APBB2: variants seen among roughly 807,000 people sequenced by gnomAD.
APBB2 encodes the protein amyloid beta precursor protein binding family B member 2, also known as Fe65-like 1.
Under a neutral mutation model 82.5 loss-of-function variants are expected in APBB2, and 38 were observed. The observed-to-expected ratio is 0.46, with a 90% CI of 0.36 to 0.60. APBB2 has a LOEUF of 0.60. Ranked by LOEUF, APBB2 falls within the 20% of genes least tolerant of loss-of-function variation. The pLI is 0.00. For missense variants in APBB2, 772 were observed against 972.3 expected, an observed-to-expected ratio of 0.79 and a Z score of 2.74; for synonymous variants, 341 against 368.2, an observed-to-expected ratio of 0.93 and a Z score of 0.85.
chr4:41,193,027 C>T (rs970882436), intron 1 of APBB2, among the ~76,000 whole-genome samples: 14 of 152,148 alleles, frequency 9.2e-5, no homozygotes, highest in Non-Finnish European at 5.9e-5. Context: ...TGACAATGAA[C>T]GTGTTCACAG....
At chr4:40,843,136 G>A (rs1756413990) in intron 12 of APBB2, among the ~76,000 whole-genome samples, 1 of 152,164 alleles carries the variant, frequency 6.6e-6, no homozygotes, top group African/African-American at 2.4e-5. Flanking sequence ...CATTGTCACA[G>A]CCGATTTGCA....
intron 10 of APBB2, among the ~76,000 whole-genome samples, chr4:40,930,601 T>A (rs1334688178): frequency 6.6e-6 from 1 of 152,176 alleles, no homozygotes; most frequent in Non-Finnish European, 1.5e-5. Context: ...AGTGTCCCCA[T>A]CCTGACAGTC....
chr4:41,039,288 C>A (rs1720450286), intron 4 of APBB2, among the ~76,000 whole-genome samples: 1 of 152,088 alleles, frequency 6.6e-6, no homozygotes, highest in Admixed American at 6.5e-5. Context: ...AGTAGTGGAC[C>A]CCTTCCACAC....
At chr4:41,190,996 T>C (rs1172807887) in intron 1 of APBB2, among the ~76,000 whole-genome samples, 2 of 152,188 alleles carry the variant, frequency 1.3e-5, no homozygotes, top group Non-Finnish European at 2.9e-5. Flanking sequence ...ATGTGGACCA[T>C]GCTTTGAGAC....
intron 12 of APBB2, among the ~76,000 whole-genome samples, chr4:40,882,852 T>A (rs1769054891): frequency 6.6e-6 from 1 of 152,204 alleles, no homozygotes; most frequent in Non-Finnish European, 1.5e-5. Context: ...CTGTTAAACT[T>A]CTTTGGTGAT....
In APBB2 at chr4:41,044,084, C is replaced by T. The variant is rs567492008; in HGVS notation, c.-50-10780G>A. 2.6e-5 allele frequency among the ~76,000 whole-genome samples: 4 copies of T among 152,330 alleles called. No individual in the cohort carries two copies. The South Asian group carries it at 8.3e-4, about 32-fold the overall frequency. On this transcript the variant is annotated intron_variant, in intron 4 of 17. Coordinates refer to ENST00000508593, the MANE Select transcript of APBB2 (RefSeq NM_004307.2). Reference sequence around the variant, plus strand: ...CATTGTTATTCAATGCCTAAATCCACTAAATCCACAGGGGTTGGAAAACAG... The same window carrying T: ...CATTGTTATTCAATGCCTAAATCCATTAAATCCACAGGGGTTGGAAAACAG...
chr4:40,856,543 T>C lies in APBB2; in HGVS notation c.1530-25966A>G, dbSNP rs1014110535. ...CACAGTTTTTCTACACGAAAGGATA[T>C]TGCTTTTAATCCAAATACTGGATTA... On this transcript the variant is annotated intron_variant, in intron 12 of 17. Transcript: ENST00000508593. Among the ~76,000 whole-genome samples, 65 of 152,256 alleles carry C rather than the reference T, an allele frequency of 4.3e-4. 1 individual carries two copies. The highest frequency in any genetic ancestry group is 1.4e-3 in the African/African-American group (58 of 41,468).
intron 2 of APBB2, chr4:41,113,837 C>T (rs1022863173): frequency 1.3e-5 from 2 of 152,026 alleles, no homozygotes; most frequent in Admixed American, 6.6e-5. Flanking sequence ...GCCTGTAATC[C>T]CAGTACTTTG....
chr4:41,009,198 T>C (rs759888568), intron 6 of APBB2, among the ~76,000 whole-genome samples: 2 of 148,490 alleles, frequency 1.3e-5, no homozygotes, highest in Non-Finnish European at 2.9e-5. Flanking sequence ...TCATGCTTAC[T>C]ACCTGGGGCC....
At chr4:40,950,656 G>T (rs1246059363) in intron 6 of APBB2, among the ~76,000 whole-genome samples, 1 of 152,050 alleles carries the variant, frequency 6.6e-6, no homozygotes, top group East Asian at 1.9e-4. Flanking sequence ...GACCAGCCTG[G>T]CCAACATGGT....
At chr4:40,849,913 G>A (rs562000092) in intron 12 of APBB2, among the ~76,000 whole-genome samples, 16 of 151,830 alleles carry the variant, frequency 1.1e-4, no homozygotes, top group East Asian at 1.9e-4. Context: ...TAGTAGAGAC[G>A]GGGTTTCACC....
At chr4:40,881,468 C>T (rs749722480) in intron 12 of APBB2, 82 of 758,358 alleles carry the variant, frequency 1.1e-4, no homozygotes, top group Non-Finnish European at 1.2e-4. Context: ...TTCAGATTAG[C>T]TCAAAAACAA....
intron 5 of APBB2, 191 bp from the exon 6 acceptor site, chr4:41,014,589 T>C: frequency 1.7e-6 from 1 of 584,370 alleles, no homozygotes; most frequent in Non-Finnish European, 2.9e-6. Flanking sequence ...ATAAAGGGCT[T>C]AACGTGGATA....
chr4:40,891,091 T>C (rs1295560055), intron 11 of APBB2, among the ~76,000 whole-genome samples: 1 of 152,236 alleles, frequency 6.6e-6, no homozygotes, highest in Admixed American at 6.5e-5. Context: ...AATTGCCCTC[T>C]GAGGGCTTGG....
intron 1 of APBB2, among the ~76,000 whole-genome samples, chr4:41,168,615 T>C (rs1560940225): frequency 6.6e-6 from 1 of 152,176 alleles, no homozygotes; most frequent in African/African-American, 2.4e-5. Flanking sequence ...TGGTCTGCAA[T>C]GGTATAGAAA....
chr4:41,029,245 C>T (rs1046824706), intron 5 of APBB2, among the ~76,000 whole-genome samples: 4 of 152,190 alleles, frequency 2.6e-5, no homozygotes, highest in Non-Finnish European at 4.4e-5. Flanking sequence ...GAAATAAACT[C>T]TGATTTTTCT....
chr4:41,059,596 A>G (rs111746161), intron 4 of APBB2, among the ~76,000 whole-genome samples: 11 of 152,294 alleles, frequency 7.2e-5, no homozygotes, highest in African/African-American at 2.7e-4. Context: ...AAACAATAGC[A>G]TGAGCAATTT....
At chr4:40,982,571 C>T (rs578082460) in intron 6 of APBB2, among the ~76,000 whole-genome samples, 53 of 151,794 alleles carry the variant, frequency 3.5e-4, no homozygotes, top group Non-Finnish European at 7.1e-4. Flanking sequence ...GAGTTCAAGA[C>T]CAGCCTGGGG....
chr4:40,855,919 A>G (rs538052919), intron 12 of APBB2, among the ~76,000 whole-genome samples: 1 of 152,292 alleles, frequency 6.6e-6, no homozygotes, highest in South Asian at 2.1e-4. Context: ...ATTTACAAAC[A>G]CATTCTGCTT....
Sources: allele counts gnomAD v4.1 joint callset (sites outside exome capture counted in the v4.1 genomes callset), GRCh38; gene constraint gnomAD v4.1.1; transcripts MANE v1.5; gene names NCBI Gene and HGNC (gene_info 2026-07-23, HGNC 2026-07-21).